The following ADGRD2 variants were observed in gnomAD, a reference collection of about 807,000 sequenced individuals.
ADGRD2 encodes the protein adhesion G protein-coupled receptor D2, also known as G protein-coupled receptor PGR24.
ADGRD2 carries 71 observed loss-of-function variants against 44.4 expected under a neutral mutation model. The observed-to-expected ratio is 1.60, with a 90% CI of 1.32 to 1.95. ADGRD2 has a LOEUF of 1.95. Among genes scored for constraint, ADGRD2 ranks in the 30% most tolerant of loss-of-function variants. The pLI, the probability that ADGRD2 is intolerant of heterozygous loss-of-function variation, is 0.00. For missense variants in ADGRD2, 1,039 were observed against 512.4 expected (o/e 2.03, Z -9.92); for synonymous variants, 481 against 224.8 (o/e 2.14, Z -10.19).
intron 16 of ADGRD2, 53 bp from the exon 20 acceptor site, chr9:124,470,441 G>C (rs1355530276): frequency 1.5e-6 from 1 of 689,412 alleles, no homozygotes; most frequent in Non-Finnish European, 2.7e-6. Context: ...GGAGCCCTGC[G>C]GGGAGCTCCC....
upstream of ADGRD2, chr9:124,450,999 C>G (rs1372737710): frequency 6.4e-6 from 3 of 466,176 alleles, no homozygotes; most frequent in East Asian, 2.1e-4. Flanking sequence ...GTTAGGGTAT[C>G]CCCGCTGAGC....
Position 124,457,614 on chromosome 9 carries a change from A to G in ADGRD2, c.1640+8A>G. 1 of 627,788 alleles carries G rather than the reference A, an allele frequency of 1.6e-6. No individual in the cohort carries two copies. Among genetic ancestry groups the G allele is most frequent in the South Asian group, 1.8e-5 (1 of 55,346 alleles). 38.9% of individuals were successfully genotyped at this position (627,788 alleles called of 1,614,324 possible). On this transcript the variant is annotated splice_region_variant and intron_variant, in intron 8 of 21. Coordinates refer to ENST00000334810, the Ensembl canonical transcript of ADGRD2. ...GGCGACTCCTCAGGAAAGGTGGGTG[A>G]GGATGAGGGGGTGTCCAGAGCCCTG...
At chr9:124,472,193 T>A (rs1831956501) in intron 17 of ADGRD2, among the ~76,000 whole-genome samples, 1 of 152,220 alleles carries the variant, frequency 6.6e-6, no homozygotes, top group Non-Finnish European at 1.5e-5. Flanking sequence ...AATGCCACCG[T>A]CGCACCGTCT....
exon 22 of ADGRD2, chr9:124,478,291 A>G (rs1253296075): frequency 6.6e-6 from 1 of 152,374 alleles, no homozygotes; most frequent in African/African-American, 2.4e-5. Context: ...GTTTCTAGAG[A>G]GTGGCTGGGA....
At chr9:124,474,947 C>G (rs965418867) in intron 17 of ADGRD2, among the ~76,000 whole-genome samples, 1 of 152,218 alleles carries the variant, frequency 6.6e-6, no homozygotes, top group Non-Finnish European at 1.5e-5. Flanking sequence ...ACCTCCCATC[C>G]CCTCAGAACC....
intron 21 of ADGRD2, among the ~76,000 whole-genome samples, chr9:124,477,954 A>C (rs1475616858): frequency 2.8e-5 from 4 of 144,784 alleles, no homozygotes; most frequent in East Asian, 2.1e-4. Flanking sequence ...CCTGGGCCCC[A>C]CCCTCCGGAC....
chr9:124,456,759 C>T (rs768404836), intron 7 of ADGRD2, 26 bp downstream of exon 10: 34 of 704,698 alleles, frequency 4.8e-5, no homozygotes, highest in Non-Finnish European at 6.5e-5. Context: ...CCTGCCCACA[C>T]GGCTGGACTC....
chr9:124,476,523 T>TC (rs1832052753), intron 20 of ADGRD2, 108 bp downstream of exon 23: 2 of 637,710 alleles, frequency 3.1e-6, no homozygotes, highest in Non-Finnish European at 2.8e-6. Context: ...GGTGGGGGCT[T>TC]CCCGGGGATC....
chr9:124,456,645 G>A (rs1172587044), exon 7 of ADGRD2: 3 of 718,016 alleles, frequency 4.2e-6, no homozygotes, highest in Non-Finnish European at 5.2e-6. Flanking sequence ...CTATGGCCCT[G>A]GTGGCGAGTG....
intron 21 of ADGRD2, among the ~76,000 whole-genome samples, chr9:124,477,384 T>C (rs567002462): frequency 8.7e-4 from 132 of 152,342 alleles, no homozygotes; most frequent in African/African-American, 2.8e-3. Flanking sequence ...GCCAGGTGAC[T>C]GTTTCCAGCG....
chr9:124,468,206 G>T lies in ADGRD2; in HGVS notation c.2233+16G>T. ...GGCCAATGAGGTGGGCAGCCAGTGG[G>T]TGGGCTGGAAGCCCGGGGAAGCCTG... On this transcript the variant is annotated intron_variant, in intron 13 of 21. Transcript: ENST00000334810. 1 of 718,324 alleles carries T rather than the reference G, an allele frequency of 1.4e-6. No homozygotes were observed. The allele number at this position is 718,324 out of a possible 1,614,324, so 44.5% of individuals were successfully genotyped here.
At chr9:124,466,859 C>T (rs1831833161) in intron 11 of ADGRD2, 1 of 152,386 alleles carries the variant, frequency 6.6e-6, no homozygotes, top group South Asian at 2.1e-4. Flanking sequence ...TGGGGGAAAA[C>T]TCTAAGAGGA....
intron 17 of ADGRD2, among the ~76,000 whole-genome samples, chr9:124,473,322 G>C (rs1409242229): frequency 6.6e-6 from 1 of 152,224 alleles, no homozygotes; most frequent in Non-Finnish European, 1.5e-5. Flanking sequence ...TCAAGGGAGA[G>C]CAAAGCCTCA....
At chr9:124,465,417 T>A (rs1400606681) in intron 10 of ADGRD2, 1 of 149,728 alleles carries the variant, frequency 6.7e-6, no homozygotes, top group East Asian at 2.0e-4. Flanking sequence ...AATAGCACAA[T>A]CTTGGCTCAA....
chr9:124,468,934 C>T (rs1019828907), intron 14 of ADGRD2, among the ~76,000 whole-genome samples: 2 of 152,208 alleles, frequency 1.3e-5, no homozygotes, highest in African/African-American at 4.8e-5. Context: ...CCTCTCCATC[C>T]GCAGTGCTAT....
At chr9:124,464,749 A>C (rs1008583749) in intron 10 of ADGRD2, among the ~76,000 whole-genome samples, 5 of 140,450 alleles carry the variant, frequency 3.6e-5, no homozygotes, top group African/African-American at 7.8e-5. Flanking sequence ...TAACACATTC[A>C]ACCCAGACCT....
upstream of ADGRD2, chr9:124,451,014 C>A: frequency 4.3e-6 from 2 of 469,962 alleles, no homozygotes; most frequent in South Asian, 3.1e-5. Context: ...CTGAGCACAG[C>A]GTCTGGCTGT....
At chr9:124,467,418 G>A in intron 11 of ADGRD2, 1 of 347,708 alleles carries the variant, frequency 2.9e-6, no homozygotes, top group South Asian at 5.1e-5. Flanking sequence ...GCCCCATTCT[G>A]ATGATACTCC....
At chr9:124,457,391 G>C (rs1200298859) in intron 7 of ADGRD2, 81 bp from the exon 11 acceptor site, 4 of 494,994 alleles carry the variant, frequency 8.1e-6, no homozygotes, top group Non-Finnish European at 1.5e-5. Flanking sequence ...AGGAAGGAGG[G>C]ATCCAGACCC....
Sources: allele counts gnomAD v4.1 joint callset (sites outside exome capture counted in the v4.1 genomes callset), GRCh38; gene constraint gnomAD v4.1.1; transcripts MANE v1.5; gene names NCBI Gene and HGNC (gene_info 2026-07-23, HGNC 2026-07-21).